Variants in RPS6KC1 observed in about 807,000 individuals in gnomAD.
The protein encoded by RPS6KC1 is ribosomal protein S6 kinase C1, also known as inactive ribosomal protein S6 kinase delta-1.
RPS6KC1 carries 54 observed loss-of-function variants against 103.8 expected under a neutral mutation model. The observed-to-expected ratio is 0.52, with a 90% CI of 0.42 to 0.65. The LOEUF (loss-of-function observed/expected upper bound fraction) is 0.65, where lower values mean the gene tolerates loss of function less well. Ranked by LOEUF, RPS6KC1 falls within the 30% of genes least tolerant of loss-of-function variation. The probability of loss-of-function intolerance (pLI) is 0.00; values close to 1 mark genes in which losing one functional copy is unlikely to be tolerated. For missense variants in RPS6KC1, 1,151 were observed against 1,253.8 expected (o/e 0.92, Z 1.24); for synonymous variants, 439 against 438.7 (o/e 1.00, Z -0.01).
At chr1:213,360,409 A>T in the RPS6KC1 span, among the ~76,000 whole-genome samples, 2 of 152,196 alleles carry the variant, frequency 1.3e-5, no homozygotes, top group African/African-American at 4.8e-5. Context: ...CAGCTCCATC[A>T]GGTCCTTTAA....
chr1:213,749,072 A>C, the RPS6KC1 span, among the ~76,000 whole-genome samples: 1 of 152,202 alleles, frequency 6.6e-6, no homozygotes, highest in African/African-American at 2.4e-5. Flanking sequence ...TCCTGGGATA[A>C]TCAATTTATT....
At chr1:213,077,647 T>C (rs1357525344) in intron 2 of RPS6KC1, 49 bp from the exon 3 acceptor site, 1 of 1,202,670 alleles carries the variant, frequency 8.3e-7, no homozygotes, top group Non-Finnish European at 1.1e-6. Flanking sequence ...TGTTCAGATA[T>C]CTGAACCTAA....
At chr1:213,515,737 T>C in the RPS6KC1 span, among the ~76,000 whole-genome samples, 1 of 152,198 alleles carries the variant, frequency 6.6e-6, no homozygotes, top group Admixed American at 6.5e-5. Flanking sequence ...CCATATGAAC[T>C]TTAAAGTAGT....
intron 10 of RPS6KC1, among the ~76,000 whole-genome samples, chr1:213,237,356 T>G (rs1208317668): frequency 6.6e-6 from 1 of 152,082 alleles, no homozygotes; most frequent in Non-Finnish European, 1.5e-5. Context: ...ATTACCTACC[T>G]TATAGGGTTG....
At chr1:213,714,757 T>C in the RPS6KC1 span, among the ~76,000 whole-genome samples, 1 of 152,230 alleles carries the variant, frequency 6.6e-6, no homozygotes, top group Non-Finnish European at 1.5e-5. Context: ...CTTGATTTCT[T>C]TGGAGTGTAT....
At chr1:213,090,713 C>G (rs1233641463) in intron 3 of RPS6KC1, among the ~76,000 whole-genome samples, 1 of 152,052 alleles carries the variant, frequency 6.6e-6, no homozygotes, top group Admixed American at 6.5e-5. Context: ...TCTTTATATT[C>G]TTAAAAATTA....
chr1:213,210,915 C>G (rs955577972), intron 8 of RPS6KC1, among the ~76,000 whole-genome samples: 11 of 152,188 alleles, frequency 7.2e-5, no homozygotes, highest in Admixed American at 4.6e-4. Context: ...TATTAACTGT[C>G]TGACTACATA....
chr1:213,104,363 C>A, intron 3 of RPS6KC1, 91 bp from the exon 4 acceptor site: 3 of 758,532 alleles, frequency 4.0e-6, no homozygotes, highest in South Asian at 3.8e-5. Context: ...AGTGATAGGC[C>A]TGCTGCTGCT....
the RPS6KC1 span, among the ~76,000 whole-genome samples, chr1:213,734,177 A>T: frequency 6.6e-6 from 1 of 152,236 alleles, no homozygotes; most frequent in Non-Finnish European, 1.5e-5. Context: ...AGCTGACCAG[A>T]TGACCACAGC....
chr1:213,327,978 T>A, the RPS6KC1 span, among the ~76,000 whole-genome samples: 1 of 152,214 alleles, frequency 6.6e-6, no homozygotes. Flanking sequence ...CCCATCTGAT[T>A]CTTGGGACTA....
chr1:213,660,612 A>G, the RPS6KC1 span, among the ~76,000 whole-genome samples: 1 of 152,248 alleles, frequency 6.6e-6, no homozygotes, highest in Non-Finnish European at 1.5e-5. Flanking sequence ...AGATGCATAT[A>G]TAAAAGTAAT....
chr1:213,789,157 G>A, the RPS6KC1 span, among the ~76,000 whole-genome samples: 1 of 152,196 alleles, frequency 6.6e-6, no homozygotes, highest in East Asian at 1.9e-4. Flanking sequence ...AAGAAAGGTT[G>A]GAATTTAGTC....
chr1:213,225,031 C>T (rs1251522072), intron 8 of RPS6KC1, among the ~76,000 whole-genome samples: 1 of 152,174 alleles, frequency 6.6e-6, no homozygotes, highest in Admixed American at 6.5e-5. Context: ...TTAAGAATGG[C>T]TCTATAAATA....
intron 4 of RPS6KC1, among the ~76,000 whole-genome samples, chr1:213,114,686 T>G (rs1475218522): frequency 6.6e-6 from 1 of 152,068 alleles, no homozygotes; most frequent in Non-Finnish European, 1.5e-5. Context: ...TGATATTGGC[T>G]GTGGGTTTGT....
the RPS6KC1 span, among the ~76,000 whole-genome samples, chr1:213,664,320 C>T: frequency 2.2e-5 from 3 of 137,684 alleles, no homozygotes; most frequent in African/African-American, 7.6e-5. Context: ...AATTCACTAA[C>T]AAAACCCAAG....
At chr1:213,627,119 T>C in the RPS6KC1 span, among the ~76,000 whole-genome samples, 1 of 152,360 alleles carries the variant, frequency 6.6e-6, no homozygotes, top group Non-Finnish European at 1.5e-5. Flanking sequence ...TGGTTTGTGG[T>C]TCTCCTTGAA....
chr1:213,303,131 C>CT, the RPS6KC1 span, among the ~76,000 whole-genome samples: 1 of 152,170 alleles, frequency 6.6e-6, no homozygotes, highest in East Asian at 1.9e-4. Context: ...TATGCTGGCT[C>CT]TTTGGCATTT....
At chr1:213,228,561 C>CA (rs554202956) in intron 8 of RPS6KC1, among the ~76,000 whole-genome samples, 1,822 of 124,018 alleles carry the variant, frequency 0.015, 47 homozygotes, top group East Asian at 0.084. Flanking sequence ...CCCTGTCTTA[C>CA]AAAAAAAAAA....
At chr1:213,421,655 T>C in the RPS6KC1 span, among the ~76,000 whole-genome samples, 8 of 152,326 alleles carry the variant, frequency 5.3e-5, no homozygotes, top group African/African-American at 1.4e-4. Context: ...TCAGTGGAAA[T>C]GACTGGTCAA....
Sources: gnomAD v4.1 joint callset for allele counts (sites outside exome capture counted in the v4.1 genomes callset) on GRCh38, gnomAD v4.1.1 for gene constraint, MANE v1.5 for transcripts, NCBI Gene and HGNC (gene_info 2026-07-23, HGNC 2026-07-21) for gene names.